The following COL4A4 variants were observed in gnomAD, a reference collection of about 807,000 sequenced individuals.
COL4A4 encodes collagen type IV alpha 4 chain, also known as collagen alpha-4(IV) chain.
Under a neutral mutation model 192.9 loss-of-function variants are expected in COL4A4, and 105 were observed. The observed-to-expected ratio is 0.54, with a 90% CI of 0.46 to 0.64. The LOEUF (loss-of-function observed/expected upper bound fraction) is 0.64. Ranked by LOEUF, COL4A4 falls within the 30% of genes least tolerant of loss-of-function variation. COL4A4 has a pLI of 0.00. For synonymous variants in COL4A4, 762 were observed against 769.9 expected (o/e 0.99, Z 0.17); for missense variants, 1,967 against 2,169.3 (o/e 0.91, Z 1.85).
chr2:227,034,538 GTTC>G (rs1262083950), intron 37 of COL4A4, among the ~76,000 whole-genome samples: 2 of 148,188 alleles, frequency 1.3e-5, no homozygotes, highest in African/African-American at 2.5e-5. Context: ...CCCAGTAGCT[GTTC>G]TTTTTTTTTT....
At chr2:226,984,510 C>A in the COL4A4 span, among the ~76,000 whole-genome samples, 5 of 152,206 alleles carry the variant, frequency 3.3e-5, no homozygotes, top group Non-Finnish European at 5.9e-5. Context: ...CCAAAGGCCC[C>A]ACCTCCACAT....
At chr2:227,054,762 T>C (rs1253459088) in intron 30 of COL4A4, 25 bp from the exon 31 acceptor site, 1 of 1,605,838 alleles carries the variant, frequency 6.2e-7, no homozygotes, top group African/African-American at 1.3e-5. Context: ...GCATAAAGTT[T>C]TAGGAAAATA....
intron 7 of COL4A4, among the ~76,000 whole-genome samples, chr2:227,117,643 T>C (rs1425965753): frequency 1.4e-5 from 2 of 143,376 alleles, no homozygotes; most frequent in East Asian, 4.0e-4. Context: ...AAGGGAGAAA[T>C]GCTAAAAAAA....
the COL4A4 span, among the ~76,000 whole-genome samples, chr2:226,989,802 A>C: frequency 3.3e-5 from 5 of 152,206 alleles, no homozygotes; most frequent in Non-Finnish European, 5.9e-5. Context: ...AGAGAAAAGT[A>C]CAACAGGTAA....
In COL4A4 at chr2:227,045,951, GTA is replaced by G. The variant is rs1266576511; in HGVS notation, c.3289+1522_3289+1523del. Among the ~76,000 whole-genome samples, 4 of 74,036 alleles carry G rather than the reference GTA, an allele frequency of 5.4e-5. 1 individual carries two copies. The highest frequency in any genetic ancestry group is 7.3e-5 in the Non-Finnish European group (3 of 40,974). The allele number at this position is 74,036 out of a possible 152,430, so 48.6% of individuals were successfully genotyped here. ...TGTATATATGTATATATGTATATATGTATATATGTATATATTTATATGTGTAT... is the reference window on the plus strand; with the variant it reads ...TGTATATATGTATATATGTATATATGTATATGTATATATTTATATGTGTAT... On this transcript the variant is annotated intron_variant, in intron 35 of 47. Transcript: ENST00000396625.
chr2:227,098,642 TG>T, intron 19 of COL4A4, 51 bp downstream of exon 19: 3 of 1,353,098 alleles, frequency 2.2e-6, no homozygotes, highest in Non-Finnish European at 3.2e-6. Context: ...GTGCTGATGA[TG>T]ATGCAGGAAA....
At chr2:227,084,351 TAATA>T (rs2059474298) in intron 22 of COL4A4, among the ~76,000 whole-genome samples, 1 of 152,108 alleles carries the variant, frequency 6.6e-6, no homozygotes, top group Non-Finnish European at 1.5e-5. Flanking sequence ...GTGGAATGCT[TAATA>T]AATAAGACTT....
At chr2:227,114,347 T>G (rs546020852) in intron 8 of COL4A4, among the ~76,000 whole-genome samples, 35 of 152,358 alleles carry the variant, frequency 2.3e-4, no homozygotes, top group African/African-American at 7.9e-4. Flanking sequence ...AATGAATATG[T>G]GGCCCACAAT....
chr2:227,022,147 C>T lies in COL4A4; in HGVS notation c.4117G>A (p.Asp1373Asn). The T allele has an allele frequency of 1.2e-6, 2 of 1,614,150 alleles. No individual in the cohort carries two copies. Among genetic ancestry groups the T allele is most frequent in the African/African-American group, 1.3e-5 (1 of 75,048 alleles). ...AGGCCTGGGATTCGGGGACAGTCATCCACATCTGCAGGTGGCCCCGGTTCA... is the reference window on the plus strand; with the variant it reads ...AGGCCTGGGATTCGGGGACAGTCATTCACATCTGCAGGTGGCCCCGGTTCA... Reference protein sequence around the residue: ...RGEPGPPADVDDCPRIPGLPG... With the variant: ...RGEPGPPADVNDCPRIPGLPG... The change falls in exon 44 of 48, where the codon GAT (aspartate) becomes AAT (asparagine). Residue 1373 changes from aspartate (D) to asparagine (N), a missense_variant. Physicochemically the swap from Asp to Asn is conservative, Grantham distance 23. Coordinates refer to ENST00000396625, the MANE Select transcript of COL4A4 (RefSeq NM_000092.5).
chr2:227,131,791 G>A (rs1256340469), intron 4 of COL4A4, among the ~76,000 whole-genome samples: 1 of 152,210 alleles, frequency 6.6e-6, no homozygotes, highest in Non-Finnish European at 1.5e-5. Flanking sequence ...GGAGGACGCA[G>A]AGGGAGATTG....
At chr2:227,081,297 C>A (rs2059312179) in intron 23 of COL4A4, among the ~76,000 whole-genome samples, 2 of 152,232 alleles carry the variant, frequency 1.3e-5, no homozygotes, top group African/African-American at 4.8e-5. Flanking sequence ...ACAGCTGGAA[C>A]AAAGCAGGTG....
chr2:227,124,970 A>C (rs1226556004), intron 4 of COL4A4, among the ~76,000 whole-genome samples: 1 of 152,228 alleles, frequency 6.6e-6, no homozygotes, highest in East Asian at 1.9e-4. Flanking sequence ...ACATACTAAA[A>C]TGCATGCTTG....
chr2:227,161,412 T>C (rs1006000270), intron 1 of COL4A4, among the ~76,000 whole-genome samples: 1 of 152,214 alleles, frequency 6.6e-6, no homozygotes, highest in South Asian at 2.1e-4. Flanking sequence ...TCTGTGTCCT[T>C]TGAATGTACG....
chr2:227,071,632 A>T (rs1303994780), intron 25 of COL4A4, among the ~76,000 whole-genome samples: 1 of 152,186 alleles, frequency 6.6e-6, no homozygotes, highest in Non-Finnish European at 1.5e-5. Flanking sequence ...TCTCCAAGAT[A>T]GACCATATGA....
intron 22 of COL4A4, among the ~76,000 whole-genome samples, chr2:227,086,024 A>G (rs190846926): frequency 2.0e-5 from 3 of 152,324 alleles, no homozygotes; most frequent in African/African-American, 7.2e-5. Flanking sequence ...TGCTGCAAGT[A>G]AAACTTAGAA....
Position 227,059,426 on chromosome 2 carries a change from G to T in COL4A4, c.2362C>A (p.Pro788Thr). The T allele has an allele frequency of 1.9e-6, 3 of 1,614,060 alleles. No homozygotes were observed. Among genetic ancestry groups the T allele is most frequent in the Non-Finnish European group, 2.5e-6 (3 of 1,180,002 alleles). ...ATACCTTCAGCCCCTGGACATCCCG[G>T]ATCACCTCTGGGTCCTTTTATCCCT... ...VPGIKGPRGD[P>T]GCPGAEGPAG... is the part of the protein sequence containing the mutation. The change falls in exon 28 of 48, where the codon CCG becomes ACG. Residue 788 changes from proline to threonine, a missense_variant. Physicochemically the swap from Pro to Thr is conservative, Grantham distance 38. Transcript: ENST00000396625.
chr2:227,139,434 T>TG (rs1435175811), intron 4 of COL4A4, among the ~76,000 whole-genome samples: 3 of 152,210 alleles, frequency 2.0e-5, no homozygotes, highest in Admixed American at 1.3e-4. Context: ...AATGAATTAG[T>TG]GGGCTGCTGT....
intron 20 of COL4A4, among the ~76,000 whole-genome samples, chr2:227,092,161 C>A (rs1379015671): frequency 6.6e-6 from 1 of 152,082 alleles, no homozygotes; most frequent in Non-Finnish European, 1.5e-5. Context: ...CAGTAGCCAA[C>A]ACTGGAAGCT....
chr2:227,010,239 T>A, intron 46 of COL4A4, 74 bp downstream of exon 46: 5 of 1,431,606 alleles, frequency 3.5e-6, no homozygotes, highest in Non-Finnish European at 4.9e-6. Flanking sequence ...TCATTTAAGG[T>A]GCTGATGAAT....
Sources: allele counts gnomAD v4.1 joint callset (sites outside exome capture counted in the v4.1 genomes callset), GRCh38; gene constraint gnomAD v4.1.1; transcripts MANE v1.5; gene names NCBI Gene and HGNC (gene_info 2026-07-23, HGNC 2026-07-21).